The following CRTC3 variants were observed in gnomAD, a reference collection of about 807,000 sequenced individuals.
CRTC3 encodes CREB-regulated transcription coactivator 3.
Under a neutral mutation model 74.5 loss-of-function variants are expected in CRTC3, and 26 were observed. The ratio of observed to expected loss-of-function variants is 0.35; its 90% CI spans 0.26 to 0.48. The LOEUF (loss-of-function observed/expected upper bound fraction) is 0.48, where lower values mean the gene tolerates loss of function less well. Among genes scored for constraint, CRTC3 ranks in the 20% least tolerant of loss-of-function variants. CRTC3 has a pLI of 0.99. For synonymous variants in CRTC3, 377 were observed against 325.8 expected, an observed-to-expected ratio of 1.16 and a Z score of -1.69; for missense variants, 760 against 787.3, an observed-to-expected ratio of 0.97 and a Z score of 0.41.
intron 4 of CRTC3, among the ~76,000 whole-genome samples, chr15:90,603,300 G>T (rs867252481): frequency 6.7e-6 from 1 of 149,528 alleles, no homozygotes; most frequent in Non-Finnish European, 1.5e-5. Context: ...AAAAGTAGCC[G>T]GGCGTGGTGG....
chr15:90,530,134 G>C lies in CRTC3; in HGVS notation c.63G>C (p.Leu21=). ...GGAAGTTCAGTGAGAAGATCGCGCT[G>C]CACACGCAGAGACAGGCCGAGGAGA... ...NPRKFSEKIA[L]HTQRQAEETR... is the part of the protein sequence containing the mutation. The change falls in exon 1 of 15, where the codon CTG becomes CTC. Residue 21 remains leucine (L), a synonymous_variant. Transcript: ENST00000268184. The surrounding 1 kb of genome is among the most constrained non-coding windows in gnomAD (Gnocchi z 6.2). 6.9e-7 allele frequency: 1 copy of C among 1,458,810 alleles called. No individual in the cohort carries two copies. The highest frequency in any genetic ancestry group is 1.2e-5 in the South Asian group (1 of 82,408). 90.4% of individuals were successfully genotyped at this position (1,458,810 alleles called of 1,614,324 possible). A position where few individuals can be genotyped will look rare whatever the true frequency, so the allele number is the denominator to read the frequency against.
At chr15:90,598,619 A>G (rs1227816162) in intron 3 of CRTC3, 2 of 677,904 alleles carry the variant, frequency 3.0e-6, no homozygotes, top group African/African-American at 3.5e-5. Flanking sequence ...AATGAGATGG[A>G]CTATAAGAAG....
At chr15:90,632,752 G>A (rs1969086291) in intron 11 of CRTC3, among the ~76,000 whole-genome samples, 1 of 152,144 alleles carries the variant, frequency 6.6e-6, no homozygotes, top group African/African-American at 2.4e-5. Context: ...CTACAGGCAT[G>A]TGCCACGACG....
At chr15:90,590,410 C>T (rs1466369137) in intron 2 of CRTC3, among the ~76,000 whole-genome samples, 3 of 151,600 alleles carry the variant, frequency 2.0e-5, no homozygotes, top group Non-Finnish European at 4.4e-5. Flanking sequence ...AGTGCTTGGC[C>T]TTTTGAGTGG....
intron 1 of CRTC3, among the ~76,000 whole-genome samples, chr15:90,535,346 G>A (rs565407902): frequency 1.3e-5 from 2 of 152,120 alleles, no homozygotes; most frequent in Non-Finnish European, 2.9e-5. Flanking sequence ...GACCAGCTGA[G>A]CCTAGTGCTG....
At chr15:90,572,966 G>C (rs1967310544) in intron 2 of CRTC3, among the ~76,000 whole-genome samples, 1 of 152,158 alleles carries the variant, frequency 6.6e-6, no homozygotes, top group Non-Finnish European at 1.5e-5. Context: ...CAGTTCATTA[G>C]TGTTAAGTAT....
chr15:90,586,593 C>G (rs1967670781), intron 2 of CRTC3, among the ~76,000 whole-genome samples: 1 of 152,088 alleles, frequency 6.6e-6, no homozygotes, highest in South Asian at 2.1e-4. Context: ...GAACTCCTGA[C>G]CTCATGATCA....
intron 2 of CRTC3, among the ~76,000 whole-genome samples, chr15:90,571,689 C>T (rs2083499485): frequency 6.6e-6 from 1 of 152,112 alleles, no homozygotes; most frequent in African/African-American, 2.4e-5. Flanking sequence ...AAGTAAAAGT[C>T]TCCCCTTCTC....
chr15:90,609,309 G>T (rs1968303394), intron 6 of CRTC3, among the ~76,000 whole-genome samples: 1 of 152,190 alleles, frequency 6.6e-6, no homozygotes, highest in Non-Finnish European at 1.5e-5. Flanking sequence ...TGGGTGCACT[G>T]CTCACTGCTT....
chr15:90,611,935 G>A (rs948390222), intron 6 of CRTC3, among the ~76,000 whole-genome samples: 5 of 151,688 alleles, frequency 3.3e-5, no homozygotes, highest in African/African-American at 9.7e-5. Flanking sequence ...AGCCTGCTTC[G>A]GTCCAGCCCA....
At chr15:90,591,028 C>T (rs774147093) in intron 2 of CRTC3, among the ~76,000 whole-genome samples, 38 of 152,036 alleles carry the variant, frequency 2.5e-4, no homozygotes, top group Non-Finnish European at 4.3e-4. Context: ...GATCATAGTT[C>T]ACTGCAGCCT....
At chr15:90,602,293 A>G (rs1171627168) in intron 3 of CRTC3, 31 bp from the exon 4 acceptor site, 2 of 1,306,300 alleles carry the variant, frequency 1.5e-6, no homozygotes, top group South Asian at 2.4e-5. Flanking sequence ...CTTTCCATTA[A>G]TTTTTATTTT....
At chr15:90,561,114 G>A (rs11853755) in intron 2 of CRTC3, among the ~76,000 whole-genome samples, 19,818 of 152,190 alleles carry the variant, frequency 0.13, 1,792 homozygotes, top group African/African-American at 0.26. Context: ...TCTGCAAGAT[G>A]TGGCTACTAA....
At chr15:90,627,910 C>T (rs1204988118) in intron 10 of CRTC3, among the ~76,000 whole-genome samples, 3 of 141,648 alleles carry the variant, frequency 2.1e-5, no homozygotes, top group South Asian at 2.3e-4. Context: ...CACGCCCAGC[C>T]GGCAAAATTA....
chr15:90,585,707 T>C (rs891527342), intron 2 of CRTC3, among the ~76,000 whole-genome samples: 1 of 152,182 alleles, frequency 6.6e-6, no homozygotes, highest in Non-Finnish European at 1.5e-5. Context: ...AGAATTCCAC[T>C]CCCTCTTGCT....
chr15:90,598,563 C>T, intron 3 of CRTC3: 1 of 701,334 alleles, frequency 1.4e-6, no homozygotes, highest in Non-Finnish European at 2.6e-6. Flanking sequence ...ACTGGGATGA[C>T]TCTGAGATCC....
At chr15:90,638,356 C>T in intron 11 of CRTC3, 90 bp from the exon 12 acceptor site, 1 of 1,112,968 alleles carries the variant, frequency 9.0e-7, no homozygotes, top group Non-Finnish European at 1.3e-6. Context: ...AAATCTCAGG[C>T]TTCCTCTCAC....
chr15:90,623,836 C>T (rs139985353), intron 9 of CRTC3, among the ~76,000 whole-genome samples: 39 of 152,320 alleles, frequency 2.6e-4, no homozygotes, highest in Middle Eastern at 3.4e-3. Flanking sequence ...TAAACTCAAC[C>T]TCCCGTGGTC....
At chr15:90,573,435 A>C (rs1967323839) in intron 2 of CRTC3, among the ~76,000 whole-genome samples, 2 of 152,172 alleles carry the variant, frequency 1.3e-5, no homozygotes, top group South Asian at 4.1e-4. Context: ...GTATGTTTAG[A>C]GTGGCCTTAA....
Sources: allele counts gnomAD v4.1 joint callset (sites outside exome capture counted in the v4.1 genomes callset), GRCh38; gene constraint gnomAD v4.1.1; non-coding constraint Gnocchi (gnomAD v3.1); transcripts MANE v1.5; gene names NCBI Gene and HGNC (gene_info 2026-07-23, HGNC 2026-07-21).